TTN: variants seen among roughly 807,000 people sequenced by gnomAD.
The protein encoded by TTN is titin, also known as connectin.
Under a neutral mutation model 3,223.0 loss-of-function variants are expected in TTN, and 1,525 were observed. That is an observed-to-expected ratio of 0.47 (90% CI 0.45 to 0.49). The LOEUF (loss-of-function observed/expected upper bound fraction) is 0.49. TTN is among the 20% of genes least tolerant of loss of function. The pLI, the probability that TTN is intolerant of heterozygous loss-of-function variation, is 0.00. For missense variants in TTN, 40,786 were observed against 43,424.0 expected (o/e 0.94, Z 5.40); for synonymous variants, 14,094 against 15,161.0 (o/e 0.93, Z 5.17).
chr2:178,593,907 A>T (rs1279028017), intron 297 of TTN, 40 bp from the exon 298 acceptor site: 1 of 1,607,800 alleles, frequency 6.2e-7, no homozygotes, highest in Non-Finnish European at 8.5e-7. Context: ...TGTTATTGCC[A>T]TTTCTGCTTT....
In TTN at chr2:178,741,355, T is replaced by G. The variant is rs1487929859; in HGVS notation, c.11878A>C (p.Thr3960Pro). The G allele has an allele frequency of 1.2e-6, 2 of 1,613,784 alleles. No individual in the cohort carries two copies. Among genetic ancestry groups the G allele is most frequent in the Non-Finnish European group, 8.5e-7 (1 of 1,179,836 alleles). Residue 3960 changes from threonine to proline, a missense_variant, in exon 48 of 363, where the codon ACA (threonine) becomes CCA (proline). Thr to Pro is a conservative substitution (Grantham distance 38, BLOSUM62 -1). Coordinates refer to ENST00000589042, the MANE Select transcript of TTN (RefSeq NM_001267550.2). ...AQGLPAIFEY[T>P]VVGEPAPTVT... ...GTAGGGGCAGGCTCTCCAACCACTG[T>G]GTACTCAAAGATGGCAGGAAGCCCT...
chr2:178,792,111 T>C lies in TTN; in HGVS notation c.1623A>G (p.Glu541=). 6.2e-7 allele frequency: 1 copy of C among 1,612,696 alleles called. No homozygotes were observed. The highest frequency in any genetic ancestry group is 8.5e-7 in the Non-Finnish European group (1 of 1,179,366). The change falls in exon 10 of 363, where the codon GAA becomes GAG. Residue 541 remains glutamate, a synonymous_variant. Transcript: ENST00000589042. The part of the protein sequence containing the change: ...KAKEQETRIS[E]EITKKQKQVT... ...CTTGTTTCTGTTTCTTAGTAATTTCTTCAGAAATTCTAGTTTCTTGTTCTT... is the reference window on the plus strand; with the variant it reads ...CTTGTTTCTGTTTCTTAGTAATTTCCTCAGAAATTCTAGTTTCTTGTTCTT...
chr2:178,718,856 C>A lies in TTN; in HGVS notation c.24344G>T (p.Ser8115Ile). The change falls in exon 84 of 363, where the codon AGC (serine) becomes ATC (isoleucine). Residue 8115 changes from serine to isoleucine, a missense_variant. Ser to Ile is a moderately radical substitution (Grantham distance 142). Transcript: ENST00000589042. ...PPFKVKWFKG[S>I]RELVPGESCN... is the part of the protein sequence containing the mutation. The stretch of plus-strand genomic sequence containing the variant: ...TGACTCCCCAGGCACCAGTTCCCTG[C>A]TGCCTTTAAACCACTTGACCTTGAA... 2 of 1,613,712 alleles carry A rather than the reference C, an allele frequency of 1.2e-6. No individual in the cohort carries two copies. The highest frequency in any genetic ancestry group is 1.7e-6 in the Non-Finnish European group (2 of 1,179,736).
At chr2:178,782,739 T>C in intron 18 of TTN, 67 bp downstream of exon 18, 1 of 1,610,908 alleles carries the variant, frequency 6.2e-7, no homozygotes, top group Non-Finnish European at 8.5e-7. Flanking sequence ...GAAACCATAT[T>C]GTGGAAAAGA....
chr2:178,751,947 C>G lies in TTN; in HGVS notation c.11311+1177G>C, dbSNP rs727503675. On this transcript the variant is annotated intron_variant, in intron 47 of 362. Transcript: ENST00000589042. ...GATATTCTACTTGCATATCTTTTAGCAGCCATGGATTTGTGGTCTATGTCT... is the reference window on the plus strand; with the variant it reads ...GATATTCTACTTGCATATCTTTTAGGAGCCATGGATTTGTGGTCTATGTCT... 1 of 1,588,058 alleles carries G rather than the reference C, an allele frequency of 6.3e-7. No individual in the cohort carries two copies. Among genetic ancestry groups the G allele is most frequent in the Non-Finnish European group, 8.5e-7 (1 of 1,171,184 alleles).
chr2:178,604,581 A>G, intron 281 of TTN, 127 bp downstream of exon 281: 1 of 1,084,100 alleles, frequency 9.2e-7, no homozygotes, highest in South Asian at 1.7e-5. Flanking sequence ...ACACTACAAT[A>G]ACAAAATAAC....
rs2091824558 is a variant in TTN at position 178,773,446 on chromosome 2, G to A, written c.7594+16C>T. 6 of 1,613,924 alleles carry A rather than the reference G, an allele frequency of 3.7e-6. No homozygotes were observed. Among genetic ancestry groups the A allele is most frequent in the Non-Finnish European group, 5.1e-6 (6 of 1,179,900 alleles). ...AATGCTTAAAGTAATTATTAGATAG[G>A]TAGAATAATCCTTACTTTCTACAGA... On this transcript the variant is annotated intron_variant, in intron 32 of 362. Transcript: ENST00000589042.
Position 178,727,309 on chromosome 2 carries a change from G to C in TTN, c.20056C>G (p.Arg6686Gly). ...GATCCAGCTATCTTGCATTCAAGTC[G>C]TGAAGAGTCACCTGCTTTCACAATT... ...SKIVKAGDSS[R>G]LECKIAGSPE... Residue 6686 changes from arginine (R) to glycine (G), a missense_variant, in exon 69 of 363, where the codon CGA becomes GGA. Arg to Gly is a moderately radical substitution (Grantham distance 125). Coordinates refer to ENST00000589042, the MANE Select transcript of TTN (RefSeq NM_001267550.2). 6.2e-7 allele frequency: 1 copy of C among 1,612,430 alleles called. No individual in the cohort carries two copies. Among genetic ancestry groups the C allele is most frequent in the Non-Finnish European group, 8.5e-7 (1 of 1,179,102 alleles).
chr2:178,677,865 C>T lies in TTN; in HGVS notation c.34047G>A (p.Glu11349=), dbSNP rs749215309. The T allele has an allele frequency of 6.2e-6, 10 of 1,612,076 alleles. No individual in the cohort carries two copies. The Admixed American group carries it at 8.4e-5, about 13-fold the overall frequency. ...VPVPVALPQE[E]EVLFEEEIVP... ...CAATTTCTTCTTCAAATAGAACTTC[C>T]TCTTCCTGAGGTAGAGCTACAGGAA... Residue 11349 remains glutamate, a synonymous_variant, in exon 146 of 363, where the codon GAG becomes GAA. Coordinates refer to ENST00000589042, the MANE Select transcript of TTN (RefSeq NM_001267550.2).
chr2:178,718,964 G>A lies in TTN; in HGVS notation c.24236C>T (p.Ser8079Phe). Reference protein sequence around the residue: ...SAVLTVQEPPSFEQTPDSVEV... With the variant: ...SAVLTVQEPPFFEQTPDSVEV... ...CACAGAATCAGGGGTTTGTTCAAAA[G>A]ATGGTGGTTCTAGATATTGCAAGGC... Residue 8079 changes from serine (S) to phenylalanine (F), a missense_variant, in exon 84 of 363, where the codon TCT (serine) becomes TTT (phenylalanine). Ser to Phe is a radical substitution (Grantham distance 155). Coordinates refer to ENST00000589042, the MANE Select transcript of TTN (RefSeq NM_001267550.2). The A allele has an allele frequency of 1.9e-6, 3 of 1,604,060 alleles. No homozygotes were observed. Among genetic ancestry groups the A allele is most frequent in the Non-Finnish European group, 2.6e-6 (3 of 1,174,986 alleles).
chr2:178,725,355 C>A lies in TTN; in HGVS notation c.20836+13G>T. The A allele has an allele frequency of 6.7e-7, 1 of 1,495,210 alleles. No homozygotes were observed. The highest frequency in any genetic ancestry group is 2.3e-5 in the Admixed American group (1 of 42,754). 92.6% of individuals were successfully genotyped at this position (1,495,210 alleles called of 1,614,324 possible). On this transcript the variant is annotated intron_variant, in intron 71 of 362. Coordinates refer to ENST00000589042, the MANE Select transcript of TTN (RefSeq NM_001267550.2). The stretch of plus-strand genomic sequence containing the variant: ...ATTTGGCACCAGTTTCTATCGTGGG[C>A]TATTGTACCAACCTAAGACCATCAG...
Position 178,601,101 on chromosome 2 carries a change from T to C in TTN, c.55803A>G (p.Lys18601=). 1 of 1,599,686 alleles carries C rather than the reference T, an allele frequency of 6.3e-7. No homozygotes were observed. The highest frequency in any genetic ancestry group is 8.5e-7 in the Non-Finnish European group (1 of 1,172,628). ...GGGAGCCCCCATCATTCTTCGGGGG[T>C]TTCCATGACAGATGCACTGTGTTCT... ...ITKNTVHLSW[K]PPKNDGGSPV... is the part of the protein sequence containing the mutation. Residue 18601 remains lysine (K), a synonymous_variant, in exon 288 of 363, where the codon AAA becomes AAG. Coordinates refer to ENST00000589042, the MANE Select transcript of TTN (RefSeq NM_001267550.2).
At position 178,741,323 on chromosome 2, in the gene TTN, T is replaced by C; in HGVS notation, c.11910A>G (p.Thr3970=). Residue 3970 remains threonine (T), a synonymous_variant, in exon 48 of 363, where the codon ACA becomes ACG. Transcript: ENST00000589042. ...AAAGCTGCTTGTTTTCTTTGAACCATGTAACAGTAGGGGCAGGCTCTCCAA... is the reference window on the plus strand; with the variant it reads ...AAAGCTGCTTGTTTTCTTTGAACCACGTAACAGTAGGGGCAGGCTCTCCAA... ...TVVGEPAPTV[T]WFKENKQLCT... 1 of 1,613,904 alleles carries C rather than the reference T, an allele frequency of 6.2e-7. No individual in the cohort carries two copies. Among genetic ancestry groups the C allele is most frequent in the African/African-American group, 1.3e-5 (1 of 75,050 alleles).
At chr2:178,778,603 C>A in intron 24 of TTN, 1 of 460,732 alleles carries the variant, frequency 2.2e-6, no homozygotes, top group Non-Finnish European at 4.0e-6. Context: ...TATAAATTTA[C>A]ATATGTAAAA....
Position 178,530,790 on chromosome 2 carries a change from C to T in TTN, c.105825G>A (p.Glu35275=), listed in dbSNP as rs377219772. Residue 35275 remains glutamate, a synonymous_variant, in exon 358 of 363, where the codon GAG becomes GAA. Transcript: ENST00000589042. ...CAGAGACTGGGAGGTGCTGAACTTTCTCTGTTGGTGTTGGTTTTGTCTCTG... is the reference window on the plus strand; with the variant it reads ...CAGAGACTGGGAGGTGCTGAACTTTTTCTGTTGGTGTTGGTTTTGTCTCTG... ...SPTETKPTPT[E]KVQHLPVSAP... 1 of 1,613,768 alleles carries T rather than the reference C, an allele frequency of 6.2e-7. No homozygotes were observed. Among genetic ancestry groups the T allele is most frequent in the East Asian group, 2.2e-5 (1 of 44,866 alleles).
intron 3 of TTN, 135 bp from the exon 4 acceptor site, chr2:178,800,817 C>T (rs2154359192): frequency 1.1e-6 from 1 of 918,264 alleles, no homozygotes; most frequent in East Asian, 2.7e-5. Flanking sequence ...GTCCTTGAAC[C>T]CAGCTCACCC....
intron 146 of TTN, 54 bp downstream of exon 146, chr2:178,677,567 A>C: frequency 6.6e-7 from 1 of 1,516,240 alleles, no homozygotes; most frequent in Non-Finnish European, 8.8e-7. Context: ...AAGGATGGGA[A>C]AGCAGAATTC....
chr2:178,770,949 G>C (rs1012273401), intron 34 of TTN: 1 of 769,496 alleles, frequency 1.3e-6, no homozygotes, highest in African/African-American at 1.7e-5. Flanking sequence ...GATTGGAGAA[G>C]GGTGAAAGAC....
chr2:178,559,115 G>T, intron 326 of TTN, 196 bp downstream of exon 326: 1 of 439,794 alleles, frequency 2.3e-6, no homozygotes, highest in South Asian at 4.6e-5. Context: ...TTTTAGCTAC[G>T]TAAATTTCTG....
Sources: gnomAD v4.1 joint callset for allele counts on GRCh38, gnomAD v4.1.1 for gene constraint, MANE v1.5 for transcripts, NCBI Gene and HGNC (gene_info 2026-07-23, HGNC 2026-07-21) for gene names.